COG3: variants seen among roughly 807,000 people sequenced by gnomAD.
COG3 encodes conserved oligomeric Golgi complex subunit 3.
In COG3, 32 loss-of-function variants were observed where a neutral mutation model predicts 114.1. The ratio of observed to expected loss-of-function variants is 0.28; its 90% CI spans 0.21 to 0.38. The LOEUF (loss-of-function observed/expected upper bound fraction) is 0.38, where lower values mean the gene tolerates loss of function less well. Ranked by LOEUF, COG3 falls within the 10% of genes least tolerant of loss-of-function variation. The probability of loss-of-function intolerance (pLI) is 1.00; values close to 1 mark genes in which losing one functional copy is unlikely to be tolerated. For missense variants in COG3, 813 were observed against 973.2 expected (o/e 0.84, Z 2.19); for synonymous variants, 352 against 365.7 (o/e 0.96, Z 0.43).
intron 1 of COG3, among the ~76,000 whole-genome samples, chr13:45,473,801 G>T (rs898024606): frequency 6.7e-6 from 1 of 150,290 alleles, no homozygotes; most frequent in Admixed American, 6.6e-5. Flanking sequence ...GTGTAGATGC[G>T]GCTTATCTCA....
At chr13:45,476,668 A>G (rs1194691163) in intron 2 of COG3, among the ~76,000 whole-genome samples, 1 of 152,150 alleles carries the variant, frequency 6.6e-6, no homozygotes, top group Non-Finnish European at 1.5e-5. Flanking sequence ...CAGTGTGTGC[A>G]TGGGTACCCC....
intron 4 of COG3, among the ~76,000 whole-genome samples, chr13:45,480,937 C>G (rs1886212062): frequency 6.6e-6 from 1 of 152,186 alleles, no homozygotes; most frequent in Non-Finnish European, 1.5e-5. Flanking sequence ...TGATTGATTA[C>G]TTTTGACTTA....
chr13:45,503,308 T>C lies in COG3; in HGVS notation c.1553T>C (p.Val518Ala). The C allele has an allele frequency of 1.2e-6, 2 of 1,606,700 alleles. No individual in the cohort carries two copies. The highest frequency in any genetic ancestry group is 1.7e-6 in the Non-Finnish European group (2 of 1,173,442). The change falls in exon 14 of 23, where the codon GTT becomes GCT. Residue 518 changes from valine to alanine, a missense_variant. This residue lies in a region of COG3 where 389 missense variants were observed against 542.6 expected (regional missense o/e 0.72). Transcript: ENST00000349995. ...KVPSEASFSDVHLEEGESNSL... is the reference protein window; with the variant it reads ...KVPSEASFSDAHLEEGESNSL... ...CCTTCAGAAGCTTCATTTTCAGATG[T>C]TCACTTAGAAGAAGGAGAGTCTAAC...
intron 14 of COG3, among the ~76,000 whole-genome samples, chr13:45,508,482 G>T (rs1255157877): frequency 2.0e-5 from 3 of 150,810 alleles, no homozygotes; most frequent in Admixed American, 1.3e-4. Flanking sequence ...TGGGGTGTGT[G>T]TGTAAATATA....
chr13:45,535,117 A>C lies in COG3; in HGVS notation c.*386A>C. The C allele has an allele frequency of 9.9e-7, 1 of 1,012,140 alleles. No individual in the cohort carries two copies. The highest frequency in any genetic ancestry group is 4.6e-5 in the South Asian group (1 of 21,578). 62.7% of individuals were successfully genotyped at this position (1,012,140 alleles called of 1,614,324 possible). A position where few individuals can be genotyped will look rare whatever the true frequency, so the allele number is the denominator to read the frequency against. ...AGCGAATTAGAAGGCCTGTAAGAGT[A>C]AGGTTTGCTAAAACGTGAAACACTG... On this transcript the variant is annotated 3_prime_UTR_variant, in exon 23 of 23. Coordinates refer to ENST00000349995, the MANE Select transcript of COG3 (RefSeq NM_031431.4).
rs1394665208 is a variant in COG3, at chr13:45,496,223, C to T, written c.1399C>T (p.Arg467Ter). Residue 467 changes from arginine (R) to a stop codon, truncating the protein, a stop_gained, in exon 13 of 23, where the codon CGA becomes TGA. Transcript: ENST00000349995. LOFTEE classifies it high-confidence loss of function. ...LEDVQERLVY[R>*]THIYIQTDIT... The stretch of plus-strand genomic sequence containing the variant: ...AGATGTACAGGAGCGGCTCGTCTAC[C>T]GAACCCACATCTATATTCAGACGGA... 2 of 1,613,108 alleles carry T rather than the reference C, an allele frequency of 1.2e-6. No homozygotes were observed. Among genetic ancestry groups the T allele is most frequent in the Admixed American group, 1.7e-5 (1 of 59,990 alleles).
chr13:45,531,713 C>T (rs1295943025), intron 22 of COG3, among the ~76,000 whole-genome samples: 1 of 151,960 alleles, frequency 6.6e-6, no homozygotes, highest in Admixed American at 6.6e-5. Context: ...ACCATGTTGG[C>T]CAGGCTGGTC....
chr13:45,520,052 G>A (rs1871951460), intron 19 of COG3, among the ~76,000 whole-genome samples: 1 of 152,200 alleles, frequency 6.6e-6, no homozygotes, highest in African/African-American at 2.4e-5. Context: ...GCTGAAACAG[G>A]AGGATCGCTC....
rs1259719911 is a variant in COG3 at position 45,480,234 on chromosome 13, G to A, written c.493G>A (p.Val165Met). ...LESLQKQYLF[V>M]SNKTGTLHEA... is the part of the protein sequence containing the mutation. ...GTCTTTGCAGAAACAGTATCTTTTTGTGTCCAATAAGACAGGAACCCTACA... is the reference window on the plus strand; with the variant it reads ...GTCTTTGCAGAAACAGTATCTTTTTATGTCCAATAAGACAGGAACCCTACA... The change falls in exon 4 of 23, where the codon GTG becomes ATG. Residue 165 changes from valine (V) to methionine (M), a missense_variant. Physicochemically the swap from Val to Met is conservative, Grantham distance 21. Around this residue, in one of 2 missense-constraint regions of COG3, gnomAD observed 424 missense variants for 430.6 expected, o/e 0.98. Transcript: ENST00000349995. 2 of 1,613,926 alleles carry A rather than the reference G, an allele frequency of 1.2e-6. No homozygotes were observed.
intron 12 of COG3, among the ~76,000 whole-genome samples, chr13:45,494,955 C>T (rs1480140010): frequency 2.0e-5 from 3 of 147,006 alleles, no homozygotes; most frequent in East Asian, 2.0e-4. Flanking sequence ...AAGTGATTCT[C>T]CTGCCTCAGC....
intron 7 of COG3, among the ~76,000 whole-genome samples, chr13:45,486,244 G>A (rs1886635002): frequency 6.9e-6 from 1 of 144,966 alleles, no homozygotes; most frequent in South Asian, 2.1e-4. Context: ...GAGCCGAGAT[G>A]GCAGCAGTAC....
intron 1 of COG3, among the ~76,000 whole-genome samples, chr13:45,472,456 T>G (rs563945279): frequency 2.0e-5 from 3 of 152,274 alleles, no homozygotes; most frequent in Admixed American, 6.5e-5. Context: ...TGGGATCCCA[T>G]TTCATGTAAT....
At chr13:45,471,670 T>C (rs1885491817) in intron 1 of COG3, among the ~76,000 whole-genome samples, 1 of 152,172 alleles carries the variant, frequency 6.6e-6, no homozygotes, top group African/African-American at 2.4e-5. Flanking sequence ...GCCTGAAGAA[T>C]GTCCTTTAAC....
intron 3 of COG3, 100 bp from the exon 4 acceptor site, chr13:45,480,025 A>C: frequency 9.7e-7 from 1 of 1,032,364 alleles, no homozygotes; most frequent in Non-Finnish European, 1.4e-6. Context: ...TTTCCTCCTG[A>C]AATTCGAACA....
chr13:45,491,656 T>A, intron 10 of COG3, 118 bp downstream of exon 10: 1 of 919,532 alleles, frequency 1.1e-6, no homozygotes, highest in Non-Finnish European at 1.6e-6. Flanking sequence ...AAAAAGCATG[T>A]TTTTCATTAT....
intron 1 of COG3, among the ~76,000 whole-genome samples, chr13:45,467,214 T>C (rs1885193241): frequency 6.6e-6 from 1 of 152,138 alleles, no homozygotes; most frequent in Non-Finnish European, 1.5e-5. Flanking sequence ...CATAAGGTCA[T>C]GGGTAGAGGA....
At chr13:45,490,424 A>C (rs1593700182) in intron 8 of COG3, among the ~76,000 whole-genome samples, 1 of 152,238 alleles carries the variant, frequency 6.6e-6, no homozygotes, top group East Asian at 1.9e-4. Context: ...CTCTAGTTTC[A>C]CTCAAGGCTC....
intron 1 of COG3, chr13:45,466,486 TTC>T (rs1209390951): frequency 2.0e-5 from 3 of 152,240 alleles, no homozygotes; most frequent in Non-Finnish European, 4.4e-5. Flanking sequence ...CAAATAGGCG[TTC>T]TTTCTTGGGT....
rs546023838 is a variant in COG3, at chr13:45,496,898, C to A, written c.1488+586C>A. ...CCGTGTTAGCCAGGATGGTCTCAATCCCCTGACCTCGTGATCCGCCCGCCT... is the reference window on the plus strand; with the variant it reads ...CCGTGTTAGCCAGGATGGTCTCAATACCCTGACCTCGTGATCCGCCCGCCT... On this transcript the variant is annotated intron_variant, in intron 13 of 22. Coordinates refer to ENST00000349995, the MANE Select transcript of COG3 (RefSeq NM_031431.4). Among the ~76,000 whole-genome samples the A allele has an allele frequency of 3.6e-3, 554 of 152,214 alleles. 1 individual carries two copies. The highest frequency in any genetic ancestry group is 6.4e-3 in the Admixed American group (98 of 15,288).
Sources: gnomAD v4.1 joint callset for allele counts (sites outside exome capture counted in the v4.1 genomes callset) on GRCh38, gnomAD v4.1.1 for gene constraint, gnomAD v4.1.1 regional missense constraint, MANE v1.5 for transcripts, NCBI Gene and HGNC (gene_info 2026-07-23, HGNC 2026-07-21) for gene names.